Variants in PWWP2A observed in about 807,000 individuals in gnomAD.
The protein encoded by PWWP2A is PWWP domain-containing protein 2A.
Under a neutral mutation model 48.5 loss-of-function variants are expected in PWWP2A, and 18 were observed. The ratio of observed to expected loss-of-function variants is 0.37; its 90% CI spans 0.26 to 0.55. The LOEUF is 0.55. Among genes scored for constraint, PWWP2A ranks in the 20% least tolerant of loss-of-function variants. The pLI is 0.81. For synonymous variants in PWWP2A, 396 were observed against 387.7 expected (o/e 1.02, Z -0.25); for missense variants, 867 against 976.4 (o/e 0.89, Z 1.49).
chr5:160,074,765 A>C (rs1029795265), downstream of PWWP2A, among the ~76,000 whole-genome samples: 6 of 151,632 alleles, frequency 4.0e-5, no homozygotes, highest in South Asian at 2.1e-4. Context: ...AAAAAAAAAA[A>C]CAAAAAAAAC....
chr5:160,050,339 C>T, the PWWP2A span, among the ~76,000 whole-genome samples: 2 of 151,300 alleles, frequency 1.3e-5, no homozygotes, highest in African/African-American at 4.9e-5. Flanking sequence ...CCCAGCTACT[C>T]GAGAGGCTGA....
rs1453710192 is a variant in PWWP2A, at chr5:160,077,179, C to A, written c.*976G>T. 6.6e-6 allele frequency: 1 copy of A among 152,138 alleles called. No homozygotes were observed. Among genetic ancestry groups the A allele is most frequent in the African/African-American group, 2.4e-5 (1 of 41,422 alleles). 9.4% of individuals were successfully genotyped at this position (152,138 alleles called of 1,614,324 possible). A position where few individuals can be genotyped will look rare whatever the true frequency, so the allele number is the denominator to read the frequency against. On this transcript the variant is annotated 3_prime_UTR_variant, in exon 4 of 4. Coordinates refer to the PWWP2A transcript ENST00000456329. This position sits in a 1 kb window ranked among gnomAD's most constrained non-coding sequence, Gnocchi z 4.2. ...GATCCTGTTCCTGCCACTTGTTGTC[C>A]CCCAGGGCCAAGTCCTACTGACACC...
chr5:160,086,697 G>A (rs1227360924), downstream of PWWP2A, among the ~76,000 whole-genome samples: 1 of 152,166 alleles, frequency 6.6e-6, no homozygotes, highest in Non-Finnish European at 1.5e-5. Context: ...GTTGAGACCA[G>A]CATGGCCAAC....
chr5:160,109,774 AATATATATATATATAT>A (rs1223846862), intron 1 of PWWP2A, among the ~76,000 whole-genome samples: 1 of 25,236 alleles, frequency 4.0e-5, no homozygotes, highest in Non-Finnish European at 7.1e-5. Flanking sequence ...AAAAAAAAAA[AATATATATATATATAT>A]ATATATATAT....
intron 1 of PWWP2A, chr5:160,117,996 G>A (rs955096662): frequency 2.2e-6 from 1 of 452,776 alleles, no homozygotes; most frequent in Non-Finnish European, 2.9e-6. Flanking sequence ...TGAAAGCAGA[G>A]CCCAAAAACA....
intron 1 of PWWP2A, among the ~76,000 whole-genome samples, chr5:160,112,528 C>A (rs567052361): frequency 6.6e-6 from 1 of 152,062 alleles, no homozygotes; most frequent in African/African-American, 2.4e-5. Context: ...GGCCAGGCAT[C>A]CAGTGTTAAG....
At position 160,115,137 on chromosome 5, in the gene PWWP2A, C is replaced by CAAAAAAAAAAAA. The variant is rs535110852; in HGVS notation, c.584+3656_584+3667dup. ...CCTGGGTAACAGAGGGAGACTCTGTCAAAAAAAAAAAAAAAAAAAAAAAAA... is the reference window on the plus strand; with the variant it reads ...CCTGGGTAACAGAGGGAGACTCTGTCAAAAAAAAAAAAAAAAAAAAAAAAAAAAAAAAAAAAA... On this transcript the variant is annotated intron_variant, in intron 1 of 1. Coordinates refer to ENST00000307063, the MANE Select transcript of PWWP2A (RefSeq NM_001130864.2). Among the ~76,000 whole-genome samples, 3 of 88,422 alleles carry CAAAAAAAAAAAA rather than the reference C, an allele frequency of 3.4e-5. 1 individual carries two copies. Among genetic ancestry groups the CAAAAAAAAAAAA allele is most frequent in the African/African-American group, 1.7e-4 (3 of 17,556 alleles). The allele number at this position is 88,422 out of a possible 152,430, so 58.0% of individuals were successfully genotyped here.
chr5:160,118,426 C>A (rs1316213889), intron 1 of PWWP2A, among the ~76,000 whole-genome samples: 1 of 151,718 alleles, frequency 6.6e-6, no homozygotes, highest in East Asian at 1.9e-4. Context: ...CCCCGCCCCC[C>A]CGTCCCCCCG....
chr5:160,050,877 C>T, the PWWP2A span, among the ~76,000 whole-genome samples: 3 of 151,974 alleles, frequency 2.0e-5, no homozygotes, highest in Non-Finnish European at 2.9e-5. Flanking sequence ...CCTCCCAACT[C>T]GGCCTCCAAA....
downstream of PWWP2A, among the ~76,000 whole-genome samples, chr5:160,059,858 A>C (rs1267885329): frequency 6.6e-6 from 1 of 152,246 alleles, no homozygotes; most frequent in East Asian, 1.9e-4. Flanking sequence ...AATATGAAAG[A>C]GACATGAAAT....
chr5:160,103,967 C>CA (rs1349443212), intron 1 of PWWP2A, among the ~76,000 whole-genome samples: 7 of 151,192 alleles, frequency 4.6e-5, no homozygotes, highest in Admixed American at 1.3e-4. Flanking sequence ...ACTACAAATA[C>CA]AAAAAAATTA....
the PWWP2A span, among the ~76,000 whole-genome samples, chr5:160,045,200 A>T: frequency 6.6e-6 from 1 of 152,196 alleles, no homozygotes; most frequent in Non-Finnish European, 1.5e-5. Flanking sequence ...TGTAAGAAAT[A>T]GTTCATTTCC....
the PWWP2A span, among the ~76,000 whole-genome samples, chr5:160,048,096 AAAG>A: frequency 6.7e-6 from 1 of 148,666 alleles, no homozygotes; most frequent in East Asian, 2.0e-4. Flanking sequence ...GATTATGAGA[AAAG>A]AAAAAAGTTC....
Position 160,091,376 on chromosome 5 carries a change from GTTTT to G in PWWP2A, c.*1002_*1005del, listed in dbSNP as rs368598091. On this transcript the variant is annotated 3_prime_UTR_variant, in exon 2 of 2. Coordinates refer to ENST00000307063, the MANE Select transcript of PWWP2A (RefSeq NM_001130864.2). Reference sequence around the variant, plus strand: ...TGATTTTATTTACAGCTTTTTTTTGGTTTTTTTTTTTTTTTTTACATTTCAGAGC... The same window carrying G: ...TGATTTTATTTACAGCTTTTTTTTGGTTTTTTTTTTTTTACATTTCAGAGC... 1.6e-4 allele frequency: 139 copies of G among 880,178 alleles called. No individual in the cohort carries two copies. Among genetic ancestry groups the G allele is most frequent in the Non-Finnish European group, 1.7e-4 (127 of 749,038 alleles). The allele number at this position is 880,178 out of a possible 1,614,324, so 54.5% of individuals were successfully genotyped here.
intron 2 of PWWP2A, among the ~76,000 whole-genome samples, chr5:160,084,455 G>T (rs1267396233): frequency 1.3e-5 from 2 of 152,022 alleles, no homozygotes; most frequent in African/African-American, 2.4e-5. Flanking sequence ...TTGAGACAGG[G>T]TCTCACTCTG....
the PWWP2A span, among the ~76,000 whole-genome samples, chr5:160,045,454 CCACACACACACACACACACACA>C: frequency 2.0e-3 from 76 of 38,902 alleles, no homozygotes; most frequent in African/African-American, 6.3e-3. Context: ...CCCCCACCCT[CCACACACACACACACACACACA>C]CACACACACA....
At chr5:160,109,496 G>T (rs994205362) in intron 1 of PWWP2A, among the ~76,000 whole-genome samples, 1 of 151,794 alleles carries the variant, frequency 6.6e-6, no homozygotes, top group East Asian at 1.9e-4. Flanking sequence ...CAGAAGCCTG[G>T]GCTGAAGGCT....
downstream of PWWP2A, among the ~76,000 whole-genome samples, chr5:160,075,185 T>C (rs1285366965): frequency 1.3e-5 from 2 of 152,188 alleles, no homozygotes; most frequent in Non-Finnish European, 2.9e-5. Flanking sequence ...TGGTTCTCCC[T>C]GTTCCATTTT....
At chr5:160,045,526 T>A in the PWWP2A span, among the ~76,000 whole-genome samples, 162 of 122,848 alleles carry the variant, frequency 1.3e-3, 1 homozygote, top group African/African-American at 2.5e-3. Flanking sequence ...ACACACTCTC[T>A]CTCTCTCTCT....
Sources: gnomAD v4.1 joint callset for allele counts (sites outside exome capture counted in the v4.1 genomes callset) on GRCh38, gnomAD v4.1.1 for gene constraint, Gnocchi (gnomAD v3.1) non-coding constraint, MANE v1.5 for transcripts, NCBI Gene and HGNC (gene_info 2026-07-23, HGNC 2026-07-21) for gene names.